Variants in AGBL1 observed in about 807,000 individuals in gnomAD.
The protein encoded by AGBL1 is AGBL carboxypeptidase 1.
AGBL1 carries 130 observed loss-of-function variants against 118.9 expected under a neutral mutation model. That is an observed-to-expected ratio of 1.09 (90% CI 0.95 to 1.26). The LOEUF (loss-of-function observed/expected upper bound fraction) is 1.26. Among genes scored for constraint, AGBL1 ranks in the 50% most tolerant of loss-of-function variants. AGBL1 has a pLI of 0.00. For synonymous variants in AGBL1, 555 were observed against 478.9 expected (o/e 1.16, Z -2.08); for missense variants, 1,584 against 1,298.1 (o/e 1.22, Z -3.38).
intron 9 of AGBL1, among the ~76,000 whole-genome samples, 168 bp downstream of exon 9, chr15:86,258,199 T>C (rs1044340660): frequency 1.3e-5 from 2 of 152,258 alleles, no homozygotes; most frequent in Non-Finnish European, 2.9e-5. Context: ...GTTATTGATT[T>C]CCAAGTTGTC....
intron 17 of AGBL1, among the ~76,000 whole-genome samples, chr15:86,330,277 G>A (rs1202022556): frequency 6.6e-6 from 1 of 152,158 alleles, no homozygotes; most frequent in African/African-American, 2.4e-5. Context: ...AACCCATAAG[G>A]TACGTCTACT....
intron 18 of AGBL1, among the ~76,000 whole-genome samples, chr15:86,474,247 C>T (rs2082520670): frequency 6.6e-6 from 1 of 152,100 alleles, no homozygotes; most frequent in South Asian, 2.1e-4. Context: ...TGGATGCAGC[C>T]AACTGAGTGT....
At chr15:86,461,361 ACT>A (rs987152069) in intron 18 of AGBL1, among the ~76,000 whole-genome samples, 2 of 151,956 alleles carry the variant, frequency 1.3e-5, no homozygotes, top group African/African-American at 4.8e-5. Flanking sequence ...GCTCACCCAA[ACT>A]CTCTTTTCAA....
At chr15:86,116,470 T>G (rs1224579483) in intron 1 of AGBL1, 3 of 152,210 alleles carry the variant, frequency 2.0e-5, no homozygotes, top group African/African-American at 7.2e-5. Context: ...GAGATGAGCA[T>G]TGGTTCAGTA....
chr15:87,016,126 C>G lies in AGBL1; in HGVS notation c.3324-12699C>G, dbSNP rs570630254. ...GTTTAATTTAATGCTTTCCATATCA[C>G]GTCATCATGACAGTCCCCTCCAATT... On this transcript the variant is annotated intron_variant, in intron 24 of 24. Coordinates refer to the AGBL1 transcript ENST00000441037. 2.0e-5 allele frequency among the ~76,000 whole-genome samples: 3 copies of G among 152,304 alleles called. No homozygotes were observed. In the South Asian group the frequency reaches 6.2e-4, roughly 32 times the overall value.
chr15:86,478,241 G>T (rs1227362284), intron 18 of AGBL1, among the ~76,000 whole-genome samples: 1 of 152,124 alleles, frequency 6.6e-6, no homozygotes, highest in Non-Finnish European at 1.5e-5. Flanking sequence ...GGGCAATCAG[G>T]CAGGAGAAAG....
chr15:86,564,146 G>A (rs892698948), intron 21 of AGBL1, among the ~76,000 whole-genome samples: 1 of 152,152 alleles, frequency 6.6e-6, no homozygotes, highest in African/African-American at 2.4e-5. Context: ...GGTTAATATT[G>A]TTAGGTGTGA....
intron 18 of AGBL1, among the ~76,000 whole-genome samples, chr15:86,465,591 C>A (rs764565801): frequency 2.0e-5 from 3 of 152,112 alleles, no homozygotes; most frequent in Non-Finnish European, 4.4e-5. Flanking sequence ...GAATGCATTC[C>A]CAGTAGGAGG....
chr15:86,849,351 A>T (rs1385810478), intron 22 of AGBL1, among the ~76,000 whole-genome samples: 1 of 152,184 alleles, frequency 6.6e-6, no homozygotes, highest in Non-Finnish European at 1.5e-5. Flanking sequence ...CTGGGATCAC[A>T]TTCGGCATAG....
At chr15:86,122,749 C>T (rs988292544) in intron 1 of AGBL1, among the ~76,000 whole-genome samples, 6 of 152,196 alleles carry the variant, frequency 3.9e-5, no homozygotes, top group Non-Finnish European at 7.3e-5. Flanking sequence ...GTGGACCCTT[C>T]CTCTTGGCCA....
rs561605419 is a variant in AGBL1 at position 86,882,678 on chromosome 15, T to C, written c.3159-24409T>C. On this transcript the variant is annotated intron_variant, in intron 22 of 22. Coordinates refer to ENST00000614907, the MANE Select transcript of AGBL1 (RefSeq NM_001386094.1). ...TCCATGGAGTTGAGTTGGCATTATT[T>C]TTCTGGATCAATTCAAGGCCAACTC... 7.0e-4 allele frequency among the ~76,000 whole-genome samples: 106 copies of C among 152,194 alleles called. 1 individual carries two copies. The highest frequency in any genetic ancestry group is 1.3e-3 in the Admixed American group (20 of 15,270).
intron 5 of AGBL1, among the ~76,000 whole-genome samples, chr15:86,196,310 C>T (rs1336170520): frequency 3.3e-5 from 5 of 152,198 alleles, no homozygotes; most frequent in South Asian, 2.1e-4. Context: ...TTTCCATCTT[C>T]GCCTCTGCCA....
rs774494578 is a variant in AGBL1 at position 86,269,982 on chromosome 15, T to C, written c.1902T>C (p.Tyr634=). The C allele has an allele frequency of 1.2e-6, 2 of 1,613,916 alleles. No individual in the cohort carries two copies. Among genetic ancestry groups the C allele is most frequent in the Non-Finnish European group, 1.7e-6 (2 of 1,179,852 alleles). Residue 634 remains tyrosine (Y), a synonymous_variant, in exon 14 of 23, where the codon TAT becomes TAC. Transcript: ENST00000614907. ...GCACCCAGCACCAGCAGTGGTTCTA[T>C]TTCAAAGTGAGCGGTATGCAGGCGG... ...VNSTQHQQWF[Y]FKVSGMQAAI... is the part of the protein sequence containing the mutation.
At chr15:86,366,901 C>T (rs571057493) in intron 17 of AGBL1, among the ~76,000 whole-genome samples, 3 of 152,206 alleles carry the variant, frequency 2.0e-5, no homozygotes, top group East Asian at 3.9e-4. Context: ...ATAAGGTGTT[C>T]GCCTTGACCC....
chr15:86,802,097 G>A (rs1021642866), intron 22 of AGBL1, among the ~76,000 whole-genome samples: 1 of 152,068 alleles, frequency 6.6e-6, no homozygotes, highest in East Asian at 1.9e-4. Flanking sequence ...AGTTCTTTTT[G>A]TGGCTATACA....
chr15:87,006,165 T>G (rs1277358857), intron 24 of AGBL1, among the ~76,000 whole-genome samples: 1 of 152,222 alleles, frequency 6.6e-6, no homozygotes, highest in Admixed American at 6.5e-5. Flanking sequence ...GGAGGCAGTC[T>G]GTCTGTTCTT....
chr15:86,262,471 A>G (rs1348422147), intron 9 of AGBL1, among the ~76,000 whole-genome samples: 1 of 152,208 alleles, frequency 6.6e-6, no homozygotes, highest in Non-Finnish European at 1.5e-5. Context: ...TGGCAATGAG[A>G]TAAAGAATTT....
intron 21 of AGBL1, among the ~76,000 whole-genome samples, chr15:86,670,003 G>C (rs924802877): frequency 6.6e-6 from 1 of 152,010 alleles, no homozygotes; most frequent in African/African-American, 2.4e-5. Context: ...CATTTTAATA[G>C]CTTCCTTATA....
At chr15:86,510,299 C>G (rs2083038524) in intron 18 of AGBL1, among the ~76,000 whole-genome samples, 1 of 151,974 alleles carries the variant, frequency 6.6e-6, no homozygotes, top group Admixed American at 6.6e-5. Context: ...AGAGTTGTTA[C>G]TCTCTAGAGA....
Sources: allele counts gnomAD v4.1 joint callset (sites outside exome capture counted in the v4.1 genomes callset), GRCh38; gene constraint gnomAD v4.1.1; transcripts MANE v1.5; gene names NCBI Gene and HGNC (gene_info 2026-07-23, HGNC 2026-07-21).